Variants in TYR observed in about 807,000 individuals in gnomAD.
TYR encodes LB24-AB.
A neutral mutation model predicts 51.5 loss-of-function variants in TYR; 58 were observed. The observed-to-expected ratio is 1.13, with a 90% CI of 0.91 to 1.40. The LOEUF is 1.40. Among genes scored for constraint, TYR ranks in the 40% most tolerant of loss-of-function variants. The pLI, the probability that TYR is intolerant of heterozygous loss-of-function variation, is 0.00. For missense variants in TYR, 732 were observed against 647.4 expected, an observed-to-expected ratio of 1.13 and a Z score of -1.42; for synonymous variants, 263 against 235.2, an observed-to-expected ratio of 1.12 and a Z score of -1.08.
intron 2 of TYR, chr11:89,192,155 T>A: frequency 4.4e-6 from 1 of 227,016 alleles, no homozygotes; most frequent in Middle Eastern, 4.9e-4. Flanking sequence ...AACTCCTAAA[T>A]ATTTATCCTA....
At chr11:89,232,435 T>C (rs1944062630) in intron 3 of TYR, among the ~76,000 whole-genome samples, 1 of 143,144 alleles carries the variant, frequency 7.0e-6, no homozygotes, top group Admixed American at 6.9e-5. Context: ...CTGAAGTAAA[T>C]TAACACAGGA....
At chr11:89,245,028 C>T (rs1944246689) in intron 3 of TYR, among the ~76,000 whole-genome samples, 1 of 152,188 alleles carries the variant, frequency 6.6e-6, no homozygotes, top group Non-Finnish European at 1.5e-5. Flanking sequence ...TCTGCAGCAC[C>T]TATCACTATG....
At chr11:89,292,884 TAG>T (rs1189279646) in intron 4 of TYR, among the ~76,000 whole-genome samples, 3 of 152,158 alleles carry the variant, frequency 2.0e-5, no homozygotes, top group African/African-American at 7.2e-5. Context: ...CATTACCTTT[TAG>T]TCAGTATAGC....
chr11:89,268,817 C>G (rs962534413), intron 3 of TYR, among the ~76,000 whole-genome samples: 1 of 151,830 alleles, frequency 6.6e-6, no homozygotes, highest in Non-Finnish European at 1.5e-5. Context: ...CCGCACTGCT[C>G]TACATTGCAT....
At chr11:89,261,309 C>T (rs932532266) in intron 3 of TYR, among the ~76,000 whole-genome samples, 15 of 151,914 alleles carry the variant, frequency 9.9e-5, no homozygotes, top group Non-Finnish European at 1.9e-4. Context: ...TTAAAATGAC[C>T]TCAATATATG....
intron 2 of TYR, among the ~76,000 whole-genome samples, chr11:89,207,211 AT>A (rs1342424580): frequency 2.6e-5 from 4 of 152,124 alleles, no homozygotes; most frequent in African/African-American, 9.6e-5. Flanking sequence ...TATTAATAAA[AT>A]TGACGAATTA....
intron 3 of TYR, among the ~76,000 whole-genome samples, chr11:89,248,572 G>A (rs1374768250): frequency 6.6e-5 from 10 of 152,150 alleles, no homozygotes; most frequent in African/African-American, 2.4e-4. Flanking sequence ...GCTAAATACG[G>A]TAAACAAGAG....
intron 3 of TYR, among the ~76,000 whole-genome samples, chr11:89,262,608 GAA>G (rs1465587522): frequency 2.7e-5 from 3 of 113,174 alleles, no homozygotes; most frequent in Non-Finnish European, 5.7e-5. Context: ...GACTGGCCAA[GAA>G]AAAAAAAAAA....
chr11:89,227,016 G>A (rs1035489985), intron 2 of TYR, among the ~76,000 whole-genome samples: 27 of 152,128 alleles, frequency 1.8e-4, no homozygotes, highest in African/African-American at 5.3e-4. Context: ...ATATCTTAGC[G>A]TCTAATTGAT....
intron 2 of TYR, among the ~76,000 whole-genome samples, chr11:89,205,395 A>C (rs1185608292): frequency 6.6e-6 from 1 of 152,198 alleles, no homozygotes; most frequent in African/African-American, 2.4e-5. Flanking sequence ...ACTACAAATT[A>C]AAGAATCAGA....
At chr11:89,218,447 TAA>T (rs1269195970) in intron 2 of TYR, among the ~76,000 whole-genome samples, 1 of 152,190 alleles carries the variant, frequency 6.6e-6, no homozygotes, top group Non-Finnish European at 1.5e-5. Context: ...GAGGCAAATT[TAA>T]GTGTCATTAA....
chr11:89,247,489 ACAATGTAGCTG>A (rs1944281595), intron 3 of TYR, among the ~76,000 whole-genome samples: 1 of 152,208 alleles, frequency 6.6e-6, no homozygotes, highest in African/African-American at 2.4e-5. Context: ...TGTTCCTACA[ACAATGTAGCTG>A]CTCTTTGTAG....
At chr11:89,202,379 A>G (rs1943608113) in intron 2 of TYR, among the ~76,000 whole-genome samples, 2 of 151,910 alleles carry the variant, frequency 1.3e-5, no homozygotes, top group African/African-American at 4.8e-5. Flanking sequence ...AAAATTGCAC[A>G]GTAAAAGCAC....
At chr11:89,200,897 A>G (rs1193761046) in intron 2 of TYR, among the ~76,000 whole-genome samples, 1 of 152,188 alleles carries the variant, frequency 6.6e-6, no homozygotes, top group Non-Finnish European at 1.5e-5. Context: ...GAGTTTAATT[A>G]CACTGTCAAA....
chr11:89,209,907 A>G (rs1453927061), intron 2 of TYR, among the ~76,000 whole-genome samples: 2 of 152,210 alleles, frequency 1.3e-5, no homozygotes, highest in African/African-American at 2.4e-5. Flanking sequence ...ACTAACAGAA[A>G]GGAATACCAT....
At chr11:89,201,518 A>G (rs569500786) in intron 2 of TYR, among the ~76,000 whole-genome samples, 2 of 152,362 alleles carry the variant, frequency 1.3e-5, no homozygotes, top group African/African-American at 4.8e-5. Context: ...GATAGTTTAA[A>G]AAATTGTTTT....
At chr11:89,223,680 G>A (rs528568723) in intron 2 of TYR, among the ~76,000 whole-genome samples, 26 of 151,964 alleles carry the variant, frequency 1.7e-4, no homozygotes, top group East Asian at 5.8e-4. Context: ...TTTGATTATC[G>A]GAAATCAAAA....
chr11:89,190,978 C>T (rs878896599), intron 1 of TYR, among the ~76,000 whole-genome samples: 2 of 152,062 alleles, frequency 1.3e-5, no homozygotes, highest in South Asian at 4.2e-4. Context: ...GTAGGCTATA[C>T]CATTCTAGGT....
intron 2 of TYR, among the ~76,000 whole-genome samples, chr11:89,202,622 T>TACACACACACACACACACAC (rs10526067): frequency 0.062 from 8,823 of 141,168 alleles, 649 homozygotes; most frequent in East Asian, 0.21. Flanking sequence ...ATTTTCATAA[T>TACACACACACACACACACAC]ACACACACAC....
Sources: gnomAD v4.1 joint callset for allele counts (sites outside exome capture counted in the v4.1 genomes callset) on GRCh38, gnomAD v4.1.1 for gene constraint, MANE v1.5 for transcripts, NCBI Gene and HGNC (gene_info 2026-07-23, HGNC 2026-07-21) for gene names.